The following ADGRL2 variants were observed in gnomAD, a reference collection of about 807,000 sequenced individuals.
ADGRL2 encodes adhesion G protein-coupled receptor L2.
A neutral mutation model predicts 157.4 loss-of-function variants in ADGRL2; 44 were observed. The observed-to-expected ratio is 0.28, with a 90% CI of 0.22 to 0.36. The LOEUF (loss-of-function observed/expected upper bound fraction) is 0.36. Ranked by LOEUF, ADGRL2 falls within the 10% of genes least tolerant of loss-of-function variation. ADGRL2 has a pLI of 1.00. For synonymous variants in ADGRL2, 585 were observed against 624.7 expected (o/e 0.94, Z 0.95); for missense variants, 1,510 against 1,768.9 (o/e 0.85, Z 2.63).
intron 11 of ADGRL2, among the ~76,000 whole-genome samples, chr1:81,957,286 T>C (rs888085267): frequency 1.3e-5 from 2 of 152,084 alleles, no homozygotes; most frequent in African/African-American, 4.8e-5. Context: ...GCCTTACATA[T>C]ATAGAACACA....
chr1:81,936,884 G>C, intron 4 of ADGRL2, 47 bp downstream of exon 4: 1 of 1,133,546 alleles, frequency 8.8e-7, no homozygotes, highest in Non-Finnish European at 1.3e-6. Context: ...AGCATTACTT[G>C]TTGATGCTGA....
intron 3 of ADGRL2, among the ~76,000 whole-genome samples, chr1:81,597,472 C>T (rs985283411): frequency 5.3e-5 from 8 of 152,110 alleles, no homozygotes; most frequent in Non-Finnish European, 8.8e-5. Flanking sequence ...ATGATAAAAA[C>T]GTGAATTTAT....
intron 7 of ADGRL2, 77 bp from the exon 8 acceptor site, chr1:81,950,941 G>C: frequency 1.1e-6 from 1 of 898,148 alleles, no homozygotes; most frequent in South Asian, 1.4e-5. Context: ...ACGCAGAGCA[G>C]GATCATCATA....
rs555624830 is a variant in ADGRL2, at chr1:81,568,107, G to A, written c.-247-12769G>A. 7.2e-5 allele frequency among the ~76,000 whole-genome samples: 11 copies of A among 151,962 alleles called. No homozygotes were observed. In the South Asian group the frequency reaches 2.3e-3, roughly 32 times the overall value. On this transcript the variant is annotated intron_variant, in intron 2 of 24. Transcript: ENST00000370721. Reference sequence around the variant, plus strand: ...AAACCTCAAAATTAACCATTAATATGATGGCTAAAATAGAAGGCAGATTTT... The same window carrying A: ...AAACCTCAAAATTAACCATTAATATAATGGCTAAAATAGAAGGCAGATTTT...
At chr1:81,664,843 G>T (rs2082723316) in intron 3 of ADGRL2, among the ~76,000 whole-genome samples, 1 of 152,018 alleles carries the variant, frequency 6.6e-6, no homozygotes, top group African/African-American at 2.4e-5. Flanking sequence ...TATATATCTG[G>T]GTAGAATTTT....
At chr1:81,901,580 A>AT (rs1470372057) in intron 2 of ADGRL2, among the ~76,000 whole-genome samples, 36 of 150,594 alleles carry the variant, frequency 2.4e-4, no homozygotes, top group East Asian at 7.8e-4. Flanking sequence ...ATATATATAT[A>AT]TATTTTTTTT....
At chr1:81,653,662 T>C (rs1338415720) in intron 3 of ADGRL2, among the ~76,000 whole-genome samples, 1 of 152,232 alleles carries the variant, frequency 6.6e-6, no homozygotes, top group African/African-American at 2.4e-5. Context: ...TTCATTCTTT[T>C]ATATGTGTAT....
At chr1:81,985,480 A>G in intron 21 of ADGRL2, 125 bp downstream of exon 21, 1 of 534,038 alleles carries the variant, frequency 1.9e-6, no homozygotes, top group Non-Finnish European at 3.4e-6. Context: ...CTCGAAGGTA[A>G]TTATTGAAAA....
At chr1:81,935,372 T>C (rs1164276526) in intron 3 of ADGRL2, among the ~76,000 whole-genome samples, 1 of 152,048 alleles carries the variant, frequency 6.6e-6, no homozygotes, top group Admixed American at 6.6e-5. Context: ...TATTTAGGTC[T>C]TGTTTGAAGT....
At chr1:81,501,855 T>C (rs2078859855) in intron 2 of ADGRL2, 32 of 1,598,012 alleles carry the variant, frequency 2.0e-5, no homozygotes, top group Non-Finnish European at 2.6e-5. Flanking sequence ...CCTCTGCAGA[T>C]GGATGCCAGA....
intron 3 of ADGRL2, among the ~76,000 whole-genome samples, chr1:81,629,461 CA>C (rs201215735): frequency 8.9e-5 from 13 of 146,644 alleles, no homozygotes; most frequent in African/African-American, 2.3e-4. Context: ...GCATTTTTTA[CA>C]AAAAAAAATG....
chr1:81,471,129 A>G (rs2078163449), intron 2 of ADGRL2, among the ~76,000 whole-genome samples: 1 of 152,230 alleles, frequency 6.6e-6, no homozygotes, highest in African/African-American at 2.4e-5. Flanking sequence ...GGAGGTAGGT[A>G]GAACTCTGTA....
At chr1:81,907,309 A>G (rs2094603544) in intron 3 of ADGRL2, 79 bp downstream of exon 3, 1 of 1,200,566 alleles carries the variant, frequency 8.3e-7, no homozygotes, top group Non-Finnish European at 1.2e-6. Flanking sequence ...TCCAAAGCGA[A>G]TGGATATAGA....
At chr1:81,401,452 A>T (rs1396294726) in intron 1 of ADGRL2, among the ~76,000 whole-genome samples, 4 of 151,956 alleles carry the variant, frequency 2.6e-5, no homozygotes, top group Non-Finnish European at 4.4e-5. Flanking sequence ...GAGGCCAGGT[A>T]CTTCCTTCTG....
Position 81,748,376 on chromosome 1 carries a change from G to A in ADGRL2, c.-142-13435G>A, listed in dbSNP as rs1020585597. On this transcript the variant is annotated intron_variant, in intron 1 of 20. Coordinates refer to the ADGRL2 transcript ENST00000359929. Reference sequence around the variant, plus strand: ...CCCAGCTACTCGGGAGGCTGAGGAAGGAGAATCGCTTGAACCCTGGTGGCA... The same window carrying A: ...CCCAGCTACTCGGGAGGCTGAGGAAAGAGAATCGCTTGAACCCTGGTGGCA... 4.0e-5 allele frequency among the ~76,000 whole-genome samples: 6 copies of A among 149,684 alleles called. 1 individual carries two copies. The highest frequency in any genetic ancestry group is 2.7e-4 in the Admixed American group (4 of 14,922).
intron 2 of ADGRL2, among the ~76,000 whole-genome samples, chr1:81,765,527 G>A (rs771764767): frequency 1.2e-4 from 18 of 151,946 alleles, no homozygotes; most frequent in Non-Finnish European, 4.4e-5. Flanking sequence ...TTATTGATAT[G>A]TATTATTAAA....
intron 1 of ADGRL2, among the ~76,000 whole-genome samples, chr1:81,435,828 G>T (rs1469774241): frequency 6.6e-6 from 1 of 152,174 alleles, no homozygotes; most frequent in Non-Finnish European, 1.5e-5. Context: ...AGGGTGCGGT[G>T]GCTCATGCCT....
intron 1 of ADGRL2, among the ~76,000 whole-genome samples, chr1:81,383,435 G>A (rs1032583713): frequency 6.6e-6 from 1 of 150,948 alleles, no homozygotes; most frequent in Non-Finnish European, 1.5e-5. Flanking sequence ...AAAGAGAATG[G>A]TTATTTGAGC....
intron 1 of ADGRL2, among the ~76,000 whole-genome samples, chr1:81,314,315 G>T (rs1659960071): frequency 6.6e-6 from 1 of 152,182 alleles, no homozygotes; most frequent in Non-Finnish European, 1.5e-5. Context: ...CGGTATTTTT[G>T]TGTGTGTATG....
Sources: allele counts gnomAD v4.1 joint callset (sites outside exome capture counted in the v4.1 genomes callset), GRCh38; gene constraint gnomAD v4.1.1; transcripts MANE v1.5; gene names NCBI Gene and HGNC (gene_info 2026-07-23, HGNC 2026-07-21).